Variants in TSC22D2 observed in about 807,000 individuals in gnomAD.
TSC22D2 encodes the protein TSC22 domain family protein 2.
In TSC22D2, 5 loss-of-function variants were observed where a neutral mutation model predicts 50.1. The observed-to-expected ratio is 0.10, with a 90% confidence interval of 0.05 to 0.21. The LOEUF is 0.21. Ranked by LOEUF, TSC22D2 falls within the 10% of genes least tolerant of loss-of-function variation. The probability of loss-of-function intolerance (pLI) is 1.00; values close to 1 mark genes in which losing one functional copy is unlikely to be tolerated. For missense variants in TSC22D2, 1,003 were observed against 1,015.5 expected (o/e 0.99, Z 0.17); for synonymous variants, 501 against 450.1 (o/e 1.11, Z -1.43).
In TSC22D2 at chr3:150,410,631, G is replaced by A; in HGVS notation, c.1281G>A (p.Met427Ile). The change falls in exon 1 of 3, where the codon ATG becomes ATA. Residue 427 changes from methionine to isoleucine, a missense_variant. This residue lies in a region of TSC22D2 where 696 missense variants were observed against 647.8 expected (regional missense o/e 1.07). Transcript: ENST00000688009. ...QNASSVGAQLMGASSQPSEAM... is the reference protein window; with the variant it reads ...QNASSVGAQLIGASSQPSEAM... The stretch of plus-strand genomic sequence containing the variant: ...CTTCCTCGGTGGGCGCGCAGCTCAT[G>A]GGCGCGTCTTCCCAGCCCAGCGAAG... 1 of 1,554,002 alleles carries A rather than the reference G, an allele frequency of 6.4e-7. No homozygotes were observed. Among genetic ancestry groups the A allele is most frequent in the South Asian group, 1.2e-5 (1 of 84,980 alleles).
At chr3:150,442,215 A>G (rs1435950754) in intron 1 of TSC22D2, among the ~76,000 whole-genome samples, 1 of 146,146 alleles carries the variant, frequency 6.8e-6, no homozygotes, top group African/African-American at 2.5e-5. Flanking sequence ...TCCAAGAGCT[A>G]TGTGCCCCCA....
In TSC22D2 at chr3:150,458,537, A is replaced by G; in HGVS notation, c.2172A>G (p.Gln724=). The part of the protein sequence containing the change: ...SNDQLSQLPT[Q]QANPGSTSQQ... ...ATCAATTATCCCAACTCCCAACCCA[A>G]CAGGCCAATCCTGGTAGCACTTCTC... is the stretch of plus-strand genomic sequence containing the variant. Residue 724 remains glutamine, a synonymous_variant, in exon 3 of 3, where the codon CAA becomes CAG. Coordinates refer to ENST00000688009, the MANE Select transcript of TSC22D2 (RefSeq NM_001303264.2). The G allele has an allele frequency of 6.2e-7, 1 of 1,614,134 alleles. No individual in the cohort carries two copies. Among genetic ancestry groups the G allele is most frequent in the Non-Finnish European group, 8.5e-7 (1 of 1,180,014 alleles).
rs55690734 is a variant in TSC22D2, at chr3:150,412,433, G to C, written c.1958+1125G>C. ...AGTATGTGGAAGAATACAATGACAT[G>C]TATGTTAAAGCTTTCTCTTCCTATG... On this transcript the variant is annotated intron_variant, in intron 1 of 2. Transcript: ENST00000688009. 1.2e-3 allele frequency among the ~76,000 whole-genome samples: 181 copies of C among 152,260 alleles called. 4 individuals carry two copies. The highest frequency in any genetic ancestry group is 3.4e-3 in the Middle Eastern group (1 of 294).
intron 1 of TSC22D2, among the ~76,000 whole-genome samples, chr3:150,423,866 A>G (rs904880195): frequency 1.3e-5 from 2 of 152,210 alleles, no homozygotes; most frequent in East Asian, 1.9e-4. Flanking sequence ...AGTTCAAACA[A>G]TGTTTTTAAA....
chr3:150,428,304 G>A lies in TSC22D2; in HGVS notation c.1958+16996G>A, dbSNP rs376234978. Among the ~76,000 whole-genome samples the A allele has an allele frequency of 1.2e-3, 186 of 152,206 alleles. 1 individual carries two copies. The South Asian group carries it at 0.023, about 19-fold the overall frequency. On this transcript the variant is annotated intron_variant, in intron 1 of 2. Coordinates refer to ENST00000688009, the MANE Select transcript of TSC22D2 (RefSeq NM_001303264.2). ...AATGTTTTCATCAGTAGTTTAGTTT[G>A]TAGTTCTTAAGTGGGGGATGGGGCA...
intron 1 of TSC22D2, among the ~76,000 whole-genome samples, chr3:150,452,252 C>G (rs1423472182): frequency 6.6e-6 from 1 of 152,010 alleles, no homozygotes; most frequent in Non-Finnish European, 1.5e-5. Context: ...TCGAGACCAG[C>G]CTGACCAACA....
chr3:150,416,718 T>C (rs1166390261), intron 1 of TSC22D2, among the ~76,000 whole-genome samples: 1 of 152,142 alleles, frequency 6.6e-6, no homozygotes, highest in Non-Finnish European at 1.5e-5. Context: ...TCCTATACAT[T>C]ATTCCATGAC....
At chr3:150,448,898 T>C (rs1411820031) in intron 1 of TSC22D2, among the ~76,000 whole-genome samples, 1 of 147,982 alleles carries the variant, frequency 6.8e-6, no homozygotes, top group African/African-American at 2.5e-5. Flanking sequence ...ATATATATAA[T>C]TAGGGGATAA....
At chr3:150,415,808 C>T (rs1385007297) in intron 1 of TSC22D2, among the ~76,000 whole-genome samples, 1 of 152,076 alleles carries the variant, frequency 6.6e-6, no homozygotes, top group Admixed American at 6.5e-5. Context: ...CAGCAAGGAC[C>T]TGTCTGTAAA....
chr3:150,450,170 TTGAC>T (rs1720999708), intron 1 of TSC22D2, among the ~76,000 whole-genome samples: 2 of 152,238 alleles, frequency 1.3e-5, no homozygotes, highest in Admixed American at 1.3e-4. Flanking sequence ...GGCTAGCCAT[TTGAC>T]TGAAATTAAC....
chr3:150,416,900 A>T (rs1292459876), intron 1 of TSC22D2, among the ~76,000 whole-genome samples: 14 of 152,154 alleles, frequency 9.2e-5, no homozygotes, highest in Non-Finnish European at 1.0e-4. Flanking sequence ...AATCAGACTT[A>T]AATAATTAGT....
intron 1 of TSC22D2, among the ~76,000 whole-genome samples, chr3:150,428,578 G>C (rs1720271629): frequency 1.4e-5 from 2 of 138,888 alleles, no homozygotes; most frequent in African/African-American, 5.4e-5. Flanking sequence ...TTGAAACCTA[G>C]GTTGACTGGG....
chr3:150,422,799 T>C (rs1720057360), intron 1 of TSC22D2, among the ~76,000 whole-genome samples: 1 of 152,256 alleles, frequency 6.6e-6, no homozygotes, highest in South Asian at 2.1e-4. Flanking sequence ...ACTTAGTATT[T>C]AGTTTCATCT....
rs11330414 is a variant in TSC22D2 at position 150,459,572 on chromosome 3, G to GTTTTTTTTTTTTTTGTTTTT, written c.*949_*950insTGTTTTTTTTTTTTTTTTTT. On this transcript the variant is annotated 3_prime_UTR_variant, in exon 3 of 3. Transcript: ENST00000688009. ...TAATGGAGTTTGGTTTTTTTTTGTT[G>GTTTTTTTTTTTTTTGTTTTT]TTTTTTTTTTTTTGTCTTTTTTTTT... is the stretch of plus-strand genomic sequence containing the variant. 1 of 115,560 alleles carries GTTTTTTTTTTTTTTGTTTTT rather than the reference G, an allele frequency of 8.7e-6. No individual in the cohort carries two copies. The highest frequency in any genetic ancestry group is 1.8e-5 in the Non-Finnish European group (1 of 55,828). The allele number at this position is 115,560 out of a possible 1,614,324, so 7.2% of individuals were successfully genotyped here. A position where few individuals can be genotyped will look rare whatever the true frequency, so the allele number is the denominator to read the frequency against.
At position 150,462,043 on chromosome 3, in the gene TSC22D2, C is replaced by T. The variant is rs1034681326; in HGVS notation, c.*3407C>T. ...AATAATCCTATGAAAAGGACAAAAC[C>T]CAGCCCTCAAAATTGACAATTTGAG... is the stretch of plus-strand genomic sequence containing the variant. On this transcript the variant is annotated 3_prime_UTR_variant, in exon 3 of 3. Transcript: ENST00000688009. 2.0e-5 allele frequency: 3 copies of T among 152,020 alleles called. No individual in the cohort carries two copies. Among genetic ancestry groups the T allele is most frequent in the East Asian group, 3.9e-4 (2 of 5,184 alleles). 9.4% of individuals were successfully genotyped at this position (152,020 alleles called of 1,614,324 possible). A position where few individuals can be genotyped will look rare whatever the true frequency, so the allele number is the denominator to read the frequency against.
At chr3:150,439,503 A>G (rs1720648368) in intron 1 of TSC22D2, among the ~76,000 whole-genome samples, 1 of 152,162 alleles carries the variant, frequency 6.6e-6, no homozygotes, top group Non-Finnish European at 1.5e-5. Context: ...TTTATTTTCT[A>G]TAATCTACAT....
chr3:150,423,170 A>T, intron 1 of TSC22D2: 3 of 1,384,282 alleles, frequency 2.2e-6, no homozygotes, highest in Admixed American at 3.6e-5. Context: ...GTATGCATGA[A>T]TTGCTTTGCA....
At chr3:150,441,171 A>G (rs1720707610) in intron 1 of TSC22D2, among the ~76,000 whole-genome samples, 1 of 151,928 alleles carries the variant, frequency 6.6e-6, no homozygotes, top group African/African-American at 2.4e-5. Flanking sequence ...AATAAGAATA[A>G]TCATACTTAA....
chr3:150,417,776 C>T (rs1719867291), intron 1 of TSC22D2, among the ~76,000 whole-genome samples: 1 of 151,910 alleles, frequency 6.6e-6, no homozygotes, highest in Non-Finnish European at 1.5e-5. Flanking sequence ...TAAATCATAC[C>T]AAGAATCTTC....
Sources: gnomAD v4.1 joint callset for allele counts (sites outside exome capture counted in the v4.1 genomes callset) on GRCh38, gnomAD v4.1.1 for gene constraint, gnomAD v4.1.1 regional missense constraint, MANE v1.5 for transcripts, NCBI Gene and HGNC (gene_info 2026-07-23, HGNC 2026-07-21) for gene names.